The following VWC2 variants were observed in gnomAD, a reference collection of about 807,000 sequenced individuals.
VWC2 encodes the protein von Willebrand factor C domain containing 2.
Under a neutral mutation model 29.8 loss-of-function variants are expected in VWC2, and 14 were observed. The ratio of observed to expected loss-of-function variants is 0.47; its 90% CI spans 0.31 to 0.74. VWC2 has a LOEUF of 0.74. VWC2 is among the 30% of genes least tolerant of loss of function. The probability of loss-of-function intolerance (pLI) is 0.05; values close to 1 mark genes in which losing one functional copy is unlikely to be tolerated. For missense variants in VWC2, 457 were observed against 459.8 expected, an observed-to-expected ratio of 0.99 and a Z score of 0.05; for synonymous variants, 213 against 199.0, an observed-to-expected ratio of 1.07 and a Z score of -0.59.
At chr7:49,844,671 T>C (rs1789878756) in intron 3 of VWC2, among the ~76,000 whole-genome samples, 1 of 152,174 alleles carries the variant, frequency 6.6e-6, no homozygotes, top group African/African-American at 2.4e-5. Flanking sequence ...CACATTACCT[T>C]GGGCAAGTCA....
chr7:49,785,747 A>G (rs1278237719), intron 2 of VWC2, among the ~76,000 whole-genome samples: 2 of 152,208 alleles, frequency 1.3e-5, no homozygotes, highest in African/African-American at 2.4e-5. Flanking sequence ...AACAAGTGTT[A>G]ATCCGATTGA....
intron 3 of VWC2, among the ~76,000 whole-genome samples, chr7:49,904,956 G>T (rs910492566): frequency 6.6e-6 from 1 of 151,912 alleles, no homozygotes; most frequent in Non-Finnish European, 1.5e-5. Context: ...GGCTGGTCTT[G>T]AACTCCTGAC....
intron 3 of VWC2, among the ~76,000 whole-genome samples, chr7:49,853,562 T>C (rs1040306322): frequency 1.3e-5 from 2 of 151,998 alleles, no homozygotes; most frequent in Non-Finnish European, 2.9e-5. Context: ...CGGTAGACTA[T>C]AAACCCTATA....
intron 3 of VWC2, among the ~76,000 whole-genome samples, chr7:49,871,746 T>A (rs1007978298): frequency 2.0e-5 from 3 of 151,646 alleles, no homozygotes; most frequent in Admixed American, 6.6e-5. Flanking sequence ...AACAAATAAA[T>A]GGTTTGTTTT....
chr7:49,846,971 A>C (rs2128715069), intron 3 of VWC2, among the ~76,000 whole-genome samples: 1 of 152,332 alleles, frequency 6.6e-6, no homozygotes, highest in Admixed American at 6.5e-5. Flanking sequence ...TGAATTATTC[A>C]GTGTGAGGCT....
rs2128747419 is a variant in VWC2 at position 49,921,836 on chromosome 7, TA to T, written c.*9653del. 6.6e-6 allele frequency: 1 copy of T among 152,326 alleles called. No homozygotes were observed. The highest frequency in any genetic ancestry group is 2.1e-4 in the South Asian group (1 of 4,830). 9.4% of individuals were successfully genotyped at this position (152,326 alleles called of 1,614,324 possible). A position where few individuals can be genotyped will look rare whatever the true frequency, so the allele number is the denominator to read the frequency against. On this transcript the variant is annotated 3_prime_UTR_variant, in exon 4 of 4. Transcript: ENST00000340652. ...ATATATTTACCAGAAAAATGTTTTGTAATACCTTAATTTTATGTGGAGTTGA... is the reference window on the plus strand; with the variant it reads ...ATATATTTACCAGAAAAATGTTTTGTATACCTTAATTTTATGTGGAGTTGA...
downstream of VWC2, among the ~76,000 whole-genome samples, chr7:49,922,189 T>C (rs1173578764): frequency 6.6e-6 from 1 of 152,206 alleles, no homozygotes; most frequent in Non-Finnish European, 1.5e-5. Context: ...ATCTATAATA[T>C]AATATCCCAC....
chr7:49,774,089 CG>C lies in VWC2; in HGVS notation c.-127del. The C allele has an allele frequency of 6.6e-6, 1 of 152,156 alleles. No homozygotes were observed. Among genetic ancestry groups the C allele is most frequent in the Non-Finnish European group, 1.5e-5 (1 of 68,062 alleles). 9.4% of individuals were successfully genotyped at this position (152,156 alleles called of 1,614,324 possible). On this transcript the variant is annotated 5_prime_UTR_variant, in exon 1 of 4. An upstream open reading frame in the 5' UTR loses its in-frame stop. Coordinates refer to ENST00000340652, the MANE Select transcript of VWC2 (RefSeq NM_198570.5). ...ACCCCTGCGCCCGCTGCGAGCCCGG[CG>C]TCCGGCCCGCGCCCTGCGCTCATGT...
rs115179246 is a variant in VWC2, at chr7:49,806,393, T to C, written c.826+3553T>C. Among the ~76,000 whole-genome samples, 470 of 152,312 alleles carry C rather than the reference T, an allele frequency of 3.1e-3. 2 individuals are homozygous for C. Among genetic ancestry groups the C allele is most frequent in the African/African-American group, 0.011 (457 of 41,570 alleles). On this transcript the variant is annotated intron_variant, in intron 3 of 3. Transcript: ENST00000340652. ...TGCTTCTCAAAGGTGGAATATGGTA[T>C]CCAAGGGAGGATACGACATATGCCA...
At chr7:49,873,660 G>A (rs1367191452) in intron 3 of VWC2, among the ~76,000 whole-genome samples, 1 of 152,188 alleles carries the variant, frequency 6.6e-6, no homozygotes, top group Non-Finnish European at 1.5e-5. Flanking sequence ...GCATTATGCA[G>A]TAATCATGAA....
intron 3 of VWC2, among the ~76,000 whole-genome samples, chr7:49,888,889 GGACAAGAGCGA>G (rs1187318358): frequency 1.3e-5 from 2 of 151,936 alleles, no homozygotes; most frequent in Non-Finnish European, 2.9e-5. Context: ...CTAGCCTGGG[GGACAAGAGCGA>G]GACTTCATCT....
intron 3 of VWC2, among the ~76,000 whole-genome samples, chr7:49,876,632 G>A (rs1360941466): frequency 6.6e-6 from 1 of 152,052 alleles, no homozygotes; most frequent in Non-Finnish European, 1.5e-5. Context: ...AGAGATCAAG[G>A]GAAGAATTGC....
At chr7:49,820,307 G>A (rs1449058029) in intron 3 of VWC2, among the ~76,000 whole-genome samples, 1 of 152,120 alleles carries the variant, frequency 6.6e-6, no homozygotes, top group African/African-American at 2.4e-5. Flanking sequence ...TACCGTGGCA[G>A]CCCGCAGTCA....
At chr7:49,872,524 A>T (rs1271777491) in intron 3 of VWC2, among the ~76,000 whole-genome samples, 1 of 152,062 alleles carries the variant, frequency 6.6e-6, no homozygotes, top group African/African-American at 2.4e-5. Flanking sequence ...GCTTACGGGG[A>T]ATGAAAATTT....
At chr7:49,842,143 G>A (rs1583664330) in intron 3 of VWC2, among the ~76,000 whole-genome samples, 1 of 152,078 alleles carries the variant, frequency 6.6e-6, no homozygotes, top group South Asian at 2.1e-4. Flanking sequence ...GCTGGGATTA[G>A]ATGTGTGAGC....
At position 49,775,528 on chromosome 7, in the gene VWC2, C is replaced by T. The variant is rs1285059097; in HGVS notation, c.93C>T (p.Ile31=). The change falls in exon 2 of 4, where the codon ATC becomes ATT. Residue 31 remains isoleucine, a synonymous_variant. Coordinates refer to ENST00000340652, the MANE Select transcript of VWC2 (RefSeq NM_198570.5). ...TGGTGGCTCTGTGCAGTCCGAGCAT[C>T]CCGCTGGAGAAGCTGGCCCAGGCAC... The part of the protein sequence containing the change: ...CLMVALCSPS[I]PLEKLAQAPE... The T allele has an allele frequency of 6.3e-7, 1 of 1,575,446 alleles. No homozygotes were observed. The highest frequency in any genetic ancestry group is 8.6e-7 in the Non-Finnish European group (1 of 1,164,942).
chr7:49,792,305 A>G (rs1788478832), intron 2 of VWC2, among the ~76,000 whole-genome samples: 1 of 152,204 alleles, frequency 6.6e-6, no homozygotes. Flanking sequence ...CATTTTACAG[A>G]TAAAAAGACT....
In VWC2 at chr7:49,915,113, A is replaced by C. The variant is rs539749572; in HGVS notation, c.*2928A>C. 9 of 152,316 alleles carry C rather than the reference A, an allele frequency of 5.9e-5. No individual in the cohort carries two copies. In the East Asian group the frequency reaches 1.5e-3, roughly 26 times the overall value. 9.4% of individuals were successfully genotyped at this position (152,316 alleles called of 1,614,324 possible). ...GTTTTCAAGTTAAATTCATTCTTTCAGTGATAGGATATTTACTTGTTGGGT... is the reference window on the plus strand; with the variant it reads ...GTTTTCAAGTTAAATTCATTCTTTCCGTGATAGGATATTTACTTGTTGGGT... On this transcript the variant is annotated 3_prime_UTR_variant, in exon 4 of 4. Transcript: ENST00000340652.
At chr7:49,843,404 A>G (rs1270008741) in intron 3 of VWC2, among the ~76,000 whole-genome samples, 1 of 152,136 alleles carries the variant, frequency 6.6e-6, no homozygotes, top group Non-Finnish European at 1.5e-5. Flanking sequence ...GTATTAAGCA[A>G]ATGTTTTCAG....
Sources: allele counts gnomAD v4.1 joint callset (sites outside exome capture counted in the v4.1 genomes callset), GRCh38; gene constraint gnomAD v4.1.1; transcripts MANE v1.5; gene names NCBI Gene and HGNC (gene_info 2026-07-23, HGNC 2026-07-21).